Variants in LRP1B observed in about 807,000 individuals in gnomAD.
The protein encoded by LRP1B is low-density lipoprotein receptor-related protein 1B.
In LRP1B, 217 loss-of-function variants were observed where a neutral mutation model predicts 556.6. The ratio of observed to expected loss-of-function variants is 0.39; its 90% CI spans 0.35 to 0.44. The LOEUF (loss-of-function observed/expected upper bound fraction) is 0.44. Ranked by LOEUF, LRP1B falls within the 20% of genes least tolerant of loss-of-function variation. The pLI is 1.00. For missense variants in LRP1B, 5,053 were observed against 5,620.8 expected (o/e 0.90, Z 3.23); for synonymous variants, 2,047 against 1,865.8 (o/e 1.10, Z -2.50).
chr2:141,345,899 T>C (rs1688239197), intron 3 of LRP1B, among the ~76,000 whole-genome samples: 1 of 151,850 alleles, frequency 6.6e-6, no homozygotes, highest in South Asian at 2.1e-4. Flanking sequence ...TCCCATCCCT[T>C]CTTGAATTGT....
At chr2:141,262,412 A>T (rs144345125) in intron 3 of LRP1B, among the ~76,000 whole-genome samples, 20 of 152,204 alleles carry the variant, frequency 1.3e-4, no homozygotes, top group Non-Finnish European at 2.5e-4. Context: ...ACTGCTTTTC[A>T]AATAACACAA....
chr2:141,850,585 A>G (rs982797134), intron 1 of LRP1B, among the ~76,000 whole-genome samples: 11 of 146,150 alleles, frequency 7.5e-5, no homozygotes, highest in South Asian at 4.3e-4. Context: ...GTGTGTATGT[A>G]TATATATATA....
intron 2 of LRP1B, among the ~76,000 whole-genome samples, chr2:141,533,282 G>T (rs1684953498): frequency 6.6e-6 from 1 of 152,138 alleles, no homozygotes; most frequent in South Asian, 2.1e-4. Flanking sequence ...CGTATGAAAT[G>T]AATTCATTAG....
At chr2:141,760,769 TGCACAAA>T (rs976740788) in intron 2 of LRP1B, among the ~76,000 whole-genome samples, 42 of 152,190 alleles carry the variant, frequency 2.8e-4, no homozygotes, top group Admixed American at 2.6e-3. Context: ...ATCAACACAG[TGCACAAA>T]ACTGTGAAGA....
At chr2:141,165,808 G>A (rs1052588212) in intron 7 of LRP1B, among the ~76,000 whole-genome samples, 7 of 151,960 alleles carry the variant, frequency 4.6e-5, no homozygotes, top group African/African-American at 1.7e-4. Flanking sequence ...GGAAATCCTG[G>A]TTAACTCAAT....
At chr2:141,389,276 A>C (rs1298836670) in intron 3 of LRP1B, among the ~76,000 whole-genome samples, 1 of 152,200 alleles carries the variant, frequency 6.6e-6, no homozygotes, top group African/African-American at 2.4e-5. Flanking sequence ...AATGGCATAC[A>C]TGTAGATCAA....
At chr2:142,113,867 A>T (rs992749481) in intron 1 of LRP1B, among the ~76,000 whole-genome samples, 3 of 152,212 alleles carry the variant, frequency 2.0e-5, no homozygotes, top group Admixed American at 2.0e-4. Context: ...CAGGCCAGAT[A>T]CTCAAACTTC....
intron 43 of LRP1B, among the ~76,000 whole-genome samples, chr2:140,545,656 T>C (rs1680305421): frequency 6.6e-6 from 1 of 152,102 alleles, no homozygotes; most frequent in Admixed American, 6.6e-5. Context: ...TCAGTTTTTG[T>C]ATGAGTATCT....
chr2:141,635,047 A>AACACACACACACACAC (rs3221098), intron 2 of LRP1B, among the ~76,000 whole-genome samples: 24 of 149,924 alleles, frequency 1.6e-4, no homozygotes, highest in African/African-American at 3.2e-4. Context: ...ACTATAGTGA[A>AACACACACACACACAC]ACACACACAC....
chr2:141,313,534 CA>C (rs999105617), intron 3 of LRP1B, among the ~76,000 whole-genome samples: 3 of 152,084 alleles, frequency 2.0e-5, no homozygotes, highest in African/African-American at 7.2e-5. Context: ...GAATTTAAGC[CA>C]AAACCAAAAA....
intron 3 of LRP1B, among the ~76,000 whole-genome samples, chr2:141,297,891 A>T (rs1686242197): frequency 6.6e-6 from 1 of 152,146 alleles, no homozygotes; most frequent in African/African-American, 2.4e-5. Flanking sequence ...TAGGTTTGTC[A>T]CCTAGTAGCA....
chr2:141,461,290 A>G (rs773878851), intron 3 of LRP1B, among the ~76,000 whole-genome samples: 3 of 152,202 alleles, frequency 2.0e-5, no homozygotes, highest in Non-Finnish European at 2.9e-5. Flanking sequence ...AACTATTGAT[A>G]GAAAAATTAA....
chr2:140,641,432 G>A (rs924031621), intron 41 of LRP1B, among the ~76,000 whole-genome samples: 2 of 152,130 alleles, frequency 1.3e-5, no homozygotes, highest in South Asian at 2.1e-4. Context: ...ATTGCCAAGG[G>A]ATAAGCTTAC....
intron 27 of LRP1B, among the ~76,000 whole-genome samples, chr2:140,856,484 G>C (rs1328082302): frequency 6.6e-6 from 1 of 152,150 alleles, no homozygotes; most frequent in East Asian, 1.9e-4. Context: ...CTAAACCAGT[G>C]GTTGGCAAGC....
At chr2:140,980,378 A>G (rs1696731258) in intron 18 of LRP1B, among the ~76,000 whole-genome samples, 1 of 152,154 alleles carries the variant, frequency 6.6e-6, no homozygotes, top group African/African-American at 2.4e-5. Flanking sequence ...ATTAGTCTGG[A>G]TAGTGGAAAA....
chr2:140,291,320 T>TATATATATATATATGTATATATA (rs745524571), intron 84 of LRP1B, among the ~76,000 whole-genome samples: 1 of 51,856 alleles, frequency 1.9e-5, no homozygotes, highest in Non-Finnish European at 3.9e-5. Flanking sequence ...ATATATATAT[T>TATATATATATATATGTATATATA]TTTATTATAC....
chr2:141,802,527 T>G (rs1456802431), intron 2 of LRP1B, among the ~76,000 whole-genome samples: 1 of 151,994 alleles, frequency 6.6e-6, no homozygotes, highest in African/African-American at 2.4e-5. Flanking sequence ...ATATAGCAAT[T>G]AATAAACTGA....
At chr2:141,388,552 C>G (rs1216412250) in intron 3 of LRP1B, among the ~76,000 whole-genome samples, 32 of 152,164 alleles carry the variant, frequency 2.1e-4, no homozygotes, top group Non-Finnish European at 1.3e-4. Context: ...GCTAACATAA[C>G]TAACTCAATG....
At chr2:141,655,582 T>C (rs1689974992) in intron 2 of LRP1B, among the ~76,000 whole-genome samples, 1 of 152,168 alleles carries the variant, frequency 6.6e-6, no homozygotes. Context: ...ATTTATCAAG[T>C]ACCATAATGA....
Sources: allele counts gnomAD v4.1 joint callset (sites outside exome capture counted in the v4.1 genomes callset), GRCh38; gene constraint gnomAD v4.1.1; transcripts MANE v1.5; gene names NCBI Gene and HGNC (gene_info 2026-07-23, HGNC 2026-07-21).